Variants in ADCY10 observed in about 807,000 individuals in gnomAD.
The protein encoded by ADCY10 is adenylate cyclase type 10.
ADCY10 carries 156 observed loss-of-function variants against 183.3 expected under a neutral mutation model. The observed-to-expected ratio is 0.85, with a 90% CI of 0.75 to 0.97. ADCY10 has a LOEUF of 0.97. Among genes scored for constraint, ADCY10 ranks in the 50% least tolerant of loss-of-function variants. The probability of loss-of-function intolerance (pLI) is 0.00; values close to 1 mark genes in which losing one functional copy is unlikely to be tolerated. For synonymous variants in ADCY10, 645 were observed against 670.0 expected (o/e 0.96, Z 0.58); for missense variants, 1,745 against 1,934.3 (o/e 0.90, Z 1.84).
At chr1:167,837,703 A>G (rs1480393863) in intron 21 of ADCY10, among the ~76,000 whole-genome samples, 1 of 152,158 alleles carries the variant, frequency 6.6e-6, no homozygotes, top group Non-Finnish European at 1.5e-5. Flanking sequence ...GGAAATAATC[A>G]CTCTCTTGTG....
In ADCY10 at chr1:167,910,208, T is replaced by C. The variant is rs367553532; in HGVS notation, c.-59+3768A>G. On this transcript the variant is annotated intron_variant, in intron 1 of 32. Transcript: ENST00000367851. ...ACAATGGTATCTGTGGTTTTGTGTT[T>C]CCTTGTTGGTACTAAGGAGATTAAG... is the stretch of plus-strand genomic sequence containing the variant. Among the ~76,000 whole-genome samples, 22 of 152,354 alleles carry C rather than the reference T, an allele frequency of 1.4e-4. No individual in the cohort carries two copies. In the East Asian group the frequency reaches 4.0e-3, roughly 28 times the overall value.
intron 9 of ADCY10, among the ~76,000 whole-genome samples, chr1:167,882,509 A>G (rs1667939357): frequency 6.7e-6 from 1 of 148,232 alleles, no homozygotes; most frequent in South Asian, 2.1e-4. Context: ...AAAAAAGAAC[A>G]GAGCGAAAAC....
intron 6 of ADCY10, among the ~76,000 whole-genome samples, chr1:167,897,151 T>C (rs915969884): frequency 2.7e-5 from 4 of 150,650 alleles, no homozygotes; most frequent in African/African-American, 9.8e-5. Flanking sequence ...GATGGCACGA[T>C]CTCATTTTTG....
At chr1:167,885,954 A>AT (rs1334930585) in intron 8 of ADCY10, among the ~76,000 whole-genome samples, 3 of 151,988 alleles carry the variant, frequency 2.0e-5, no homozygotes, top group East Asian at 1.9e-4. Flanking sequence ...AGATTATTAG[A>AT]TTTTTTTCTA....
At chr1:167,866,335 AATTTAAAGCTTGAAAT>A (rs1666684012) in intron 14 of ADCY10, among the ~76,000 whole-genome samples, 1 of 152,214 alleles carries the variant, frequency 6.6e-6, no homozygotes, top group African/African-American at 2.4e-5. Context: ...ATACCAGATC[AATTTAAAGCTTGAAAT>A]CAAATAGCTA....
chr1:167,907,686 AGT>A (rs1203473568), intron 1 of ADCY10, among the ~76,000 whole-genome samples: 2 of 152,216 alleles, frequency 1.3e-5, no homozygotes, highest in Admixed American at 6.5e-5. Flanking sequence ...GATTAAAAGG[AGT>A]CAAATGGATT....
At chr1:167,849,851 C>A (rs951748678) in intron 18 of ADCY10, among the ~76,000 whole-genome samples, 1 of 152,098 alleles carries the variant, frequency 6.6e-6, no homozygotes. Context: ...GAGGCCAACG[C>A]GAAGGCACAG....
At chr1:167,861,204 T>C (rs1376950265) in intron 14 of ADCY10, 141 bp from the exon 15 acceptor site, 3 of 737,310 alleles carry the variant, frequency 4.1e-6, no homozygotes, top group Non-Finnish European at 6.9e-6. Flanking sequence ...AATGGTTCTT[T>C]ATTGCTGCTT....
chr1:167,851,810 G>T (rs898869682), intron 18 of ADCY10, among the ~76,000 whole-genome samples: 2 of 122,564 alleles, frequency 1.6e-5, no homozygotes, highest in Non-Finnish European at 3.1e-5. Flanking sequence ...GCGACAGAGT[G>T]TCTCAAAAAA....
At chr1:167,882,836 T>G (rs1667962881) in intron 9 of ADCY10, among the ~76,000 whole-genome samples, 1 of 152,170 alleles carries the variant, frequency 6.6e-6, no homozygotes, top group Non-Finnish European at 1.5e-5. Flanking sequence ...TCTCGCCTTG[T>G]CCTGGTATCC....
intron 9 of ADCY10, among the ~76,000 whole-genome samples, chr1:167,881,551 T>G (rs1667870048): frequency 6.6e-6 from 1 of 152,232 alleles, no homozygotes; most frequent in Non-Finnish European, 1.5e-5. Flanking sequence ...AGCTTTTGCC[T>G]GCAAATTTAT....
At chr1:167,825,995 A>G (rs1195785030) in intron 26 of ADCY10, among the ~76,000 whole-genome samples, 3 of 152,204 alleles carry the variant, frequency 2.0e-5, no homozygotes, top group African/African-American at 7.2e-5. Context: ...AAACAGGAAA[A>G]ATAAAGTATC....
chr1:167,905,019 C>T lies in ADCY10; in HGVS notation c.122G>A (p.Gly41Glu). 6 of 1,614,164 alleles carry T rather than the reference C, an allele frequency of 3.7e-6. No individual in the cohort carries two copies. Among genetic ancestry groups the T allele is most frequent in the Non-Finnish European group, 5.1e-6 (6 of 1,180,034 alleles). Residue 41 changes from glycine to glutamate, a missense_variant, in exon 2 of 33, where the codon GGA becomes GAA. Coordinates refer to ENST00000367851, the MANE Select transcript of ADCY10 (RefSeq NM_018417.6). Reference sequence around the variant, plus strand: ...TGAAATATCAACAAACATCAGGACTCCGTCAAAATAATCCATAAAGGGTCG... The same window carrying T: ...TGAAATATCAACAAACATCAGGACTTCGTCAAAATAATCCATAAAGGGTCG... ...PERPFMDYFD[G>E]VLMFVDISGF...
chr1:167,876,307 G>A (rs1413940350), intron 12 of ADCY10, among the ~76,000 whole-genome samples: 1 of 151,638 alleles, frequency 6.6e-6, no homozygotes, highest in African/African-American at 2.4e-5. Flanking sequence ...TGCCAGTGAG[G>A]AAATTCAGGC....
At chr1:167,824,086 T>C (rs1394905105) in intron 28 of ADCY10, among the ~76,000 whole-genome samples, 1 of 152,222 alleles carries the variant, frequency 6.6e-6, no homozygotes, top group Non-Finnish European at 1.5e-5. Context: ...TTTGGGAGGC[T>C]GAGGTGGGTG....
chr1:167,819,855 G>T, intron 30 of ADCY10: 1 of 742,296 alleles, frequency 1.3e-6, no homozygotes, highest in Non-Finnish European at 2.4e-6. Context: ...GTCAGCCACC[G>T]CGCCCGGCAT....
In ADCY10 at chr1:167,910,213, G is replaced by T. The variant is rs557339108; in HGVS notation, c.-59+3763C>A. On this transcript the variant is annotated intron_variant, in intron 1 of 32. Coordinates refer to ENST00000367851, the MANE Select transcript of ADCY10 (RefSeq NM_018417.6). ...GGTATCTGTGGTTTTGTGTTTCCTT[G>T]TTGGTACTAAGGAGATTAAGCACCT... 3.3e-5 allele frequency among the ~76,000 whole-genome samples: 5 copies of T among 152,264 alleles called. No homozygotes were observed. In the South Asian group the frequency reaches 1.0e-3, roughly 32 times the overall value.
chr1:167,899,595 A>G lies in ADCY10; in HGVS notation c.470T>C (p.Phe157Ser). 6.2e-7 allele frequency: 1 copy of G among 1,614,148 alleles called. No homozygotes were observed. Among genetic ancestry groups the G allele is most frequent in the Non-Finnish European group, 8.5e-7 (1 of 1,180,038 alleles). ...AAAGTGGCTGTGTGTTTCATCTCCAAAGACCAACATGCTGATGTGGCCAGC... is the reference window on the plus strand; with the variant it reads ...AAAGTGGCTGTGTGTTTCATCTCCAGAGACCAACATGCTGATGTGGCCAGC... ...LAAGHISMLV[F>S]GDETHSHFLV... The change falls in exon 6 of 33, where the codon TTT (phenylalanine) becomes TCT (serine). Residue 157 changes from phenylalanine to serine, a missense_variant. Phe to Ser is a radical substitution (Grantham distance 155). Transcript: ENST00000367851.
At chr1:167,833,587 AT>A (rs1663949244) in intron 24 of ADCY10, among the ~76,000 whole-genome samples, 1 of 152,138 alleles carries the variant, frequency 6.6e-6, no homozygotes, top group Non-Finnish European at 1.5e-5. Context: ...CTCTACTAAA[AT>A]ACAAAAATTA....
Sources: allele counts gnomAD v4.1 joint callset (sites outside exome capture counted in the v4.1 genomes callset), GRCh38; gene constraint gnomAD v4.1.1; transcripts MANE v1.5; gene names NCBI Gene and HGNC (gene_info 2026-07-23, HGNC 2026-07-21).